XKR4: variants seen among roughly 807,000 people sequenced by gnomAD.
The protein encoded by XKR4 is XK-related protein 4.
Under a neutral mutation model 53.9 loss-of-function variants are expected in XKR4, and 12 were observed. The observed-to-expected ratio is 0.22, with a 90% CI of 0.14 to 0.36. The LOEUF is 0.36. Ranked by LOEUF, XKR4 falls within the 10% of genes least tolerant of loss-of-function variation. The pLI, the probability that XKR4 is intolerant of heterozygous loss-of-function variation, is 1.00. For synonymous variants in XKR4, 354 were observed against 362.4 expected, an observed-to-expected ratio of 0.98 and a Z score of 0.26; for missense variants, 799 against 859.5, an observed-to-expected ratio of 0.93 and a Z score of 0.88.
At chr8:55,155,615 A>T (rs2129356202) in intron 1 of XKR4, among the ~76,000 whole-genome samples, 1 of 145,002 alleles carries the variant, frequency 6.9e-6, no homozygotes, top group Admixed American at 6.8e-5. Flanking sequence ...AAAGTAGAAC[A>T]AAAAGATAAA....
At chr8:55,503,233 A>G (rs1806472323) in intron 2 of XKR4, among the ~76,000 whole-genome samples, 3 of 152,102 alleles carry the variant, frequency 2.0e-5, no homozygotes, top group African/African-American at 4.8e-5. Flanking sequence ...AAAAAATGTC[A>G]TTGTGATAGG....
chr8:55,261,510 T>C (rs911235624), intron 1 of XKR4, among the ~76,000 whole-genome samples: 1 of 152,238 alleles, frequency 6.6e-6, no homozygotes, highest in Non-Finnish European at 1.5e-5. Context: ...TCATTTTGAA[T>C]TCCTTTGCGC....
intron 1 of XKR4, among the ~76,000 whole-genome samples, chr8:55,348,528 G>A (rs1017478514): frequency 3.9e-5 from 6 of 152,172 alleles, no homozygotes; most frequent in African/African-American, 1.2e-4. Flanking sequence ...CATTTTCCAG[G>A]GACTGGCTGT....
intron 2 of XKR4, among the ~76,000 whole-genome samples, chr8:55,375,716 C>CT (rs61454234): frequency 0.73 from 108,917 of 148,628 alleles, 40,814 homozygotes; most frequent in African/African-American, 0.91. Context: ...TCTTCTTTTT[C>CT]TTTTTTTTTT....
chr8:55,421,741 C>T (rs1804935924), intron 2 of XKR4, among the ~76,000 whole-genome samples: 1 of 152,162 alleles, frequency 6.6e-6, no homozygotes, highest in Non-Finnish European at 1.5e-5. Flanking sequence ...GTTACAATAA[C>T]CAAGTTCAGT....
intron 2 of XKR4, among the ~76,000 whole-genome samples, chr8:55,460,390 A>C (rs1012330762): frequency 6.6e-6 from 1 of 152,234 alleles, no homozygotes; most frequent in Non-Finnish European, 1.5e-5. Context: ...TCATTGAACC[A>C]TATGCTTAAA....
Position 55,102,706 on chromosome 8 carries a change from G to A in XKR4, c.218G>A (p.Gly73Asp). The change falls in exon 1 of 3, where the codon GGC becomes GAC. Residue 73 changes from glycine (G) to aspartate (D), a missense_variant. Coordinates refer to ENST00000327381, the MANE Select transcript of XKR4 (RefSeq NM_052898.2). The surrounding 1 kb of genome is among the most constrained non-coding windows in gnomAD (Gnocchi z 5.1). ...TGCTGCTGCTGCGCCGGGAGTGGCG[G>A]CTCCGCGGGCTCGGGCGGCTCCGGC... is the stretch of plus-strand genomic sequence containing the variant. ...RCCCCCAGSGGSAGSGGSGGV... is the reference protein window; with the variant it reads ...RCCCCCAGSGDSAGSGGSGGV... 1.7e-6 allele frequency: 2 copies of A among 1,146,664 alleles called. No homozygotes were observed. Among genetic ancestry groups the A allele is most frequent in the South Asian group, 8.4e-5 (2 of 23,758 alleles). The allele number at this position is 1,146,664 out of a possible 1,614,324, so 71.0% of individuals were successfully genotyped here.
intron 1 of XKR4, among the ~76,000 whole-genome samples, chr8:55,193,391 T>G (rs1182455989): frequency 6.6e-6 from 1 of 152,098 alleles, no homozygotes; most frequent in Non-Finnish European, 1.5e-5. Flanking sequence ...TTTCCTTCAC[T>G]GCTCACTTAC....
intron 2 of XKR4, among the ~76,000 whole-genome samples, chr8:55,447,991 C>T (rs1180484782): frequency 6.6e-6 from 1 of 152,310 alleles, no homozygotes; most frequent in East Asian, 1.9e-4. Context: ...ACTGAGCCCC[C>T]ACCCTCACTC....
rs1392353698 is a variant in XKR4, at chr8:55,524,262, TGAA to T, written c.*37_*39del. ...AGTTGCAGGACCCACAACATCCAGA[TGAA>T]GGGGTGACAGCAGGGCTGTGGCCAT... is the stretch of plus-strand genomic sequence containing the variant. On this transcript the variant is annotated 3_prime_UTR_variant, in exon 3 of 3. Coordinates refer to ENST00000327381, the MANE Select transcript of XKR4 (RefSeq NM_052898.2). 1.3e-6 allele frequency: 2 copies of T among 1,579,474 alleles called. No homozygotes were observed.
chr8:55,189,599 T>C (rs1817418466), intron 1 of XKR4, among the ~76,000 whole-genome samples: 1 of 152,224 alleles, frequency 6.6e-6, no homozygotes, highest in Non-Finnish European at 1.5e-5. Flanking sequence ...GAAAAGGTAA[T>C]ATGTTGTGCT....
intron 1 of XKR4, among the ~76,000 whole-genome samples, chr8:55,165,879 G>A (rs529424635): frequency 6.6e-6 from 1 of 152,118 alleles, no homozygotes; most frequent in South Asian, 2.1e-4. Flanking sequence ...GAGGTTTATG[G>A]GAAAATAGGA....
At chr8:55,469,323 A>G (rs1242755073) in intron 2 of XKR4, among the ~76,000 whole-genome samples, 16 of 152,082 alleles carry the variant, frequency 1.1e-4, no homozygotes, top group African/African-American at 3.9e-4. Flanking sequence ...CCTCTACAAT[A>G]TGTCTCAGTC....
At chr8:55,294,344 G>C (rs1349613486) in intron 1 of XKR4, among the ~76,000 whole-genome samples, 5 of 152,144 alleles carry the variant, frequency 3.3e-5, no homozygotes, top group African/African-American at 1.2e-4. Flanking sequence ...CTCCCATCTT[G>C]ATCAAGTGTG....
At chr8:55,268,344 A>G (rs375378421) in intron 1 of XKR4, among the ~76,000 whole-genome samples, 3 of 152,186 alleles carry the variant, frequency 2.0e-5, no homozygotes, top group South Asian at 2.1e-4. Flanking sequence ...ATTTATTTCT[A>G]TCTTAACAGT....
intron 1 of XKR4, among the ~76,000 whole-genome samples, chr8:55,324,738 G>A (rs537011715): frequency 4.2e-4 from 64 of 152,154 alleles, no homozygotes; most frequent in Admixed American, 7.2e-4. Flanking sequence ...GTAGGAAGAG[G>A]CTGAGACTAG....
intron 1 of XKR4, among the ~76,000 whole-genome samples, chr8:55,239,917 A>C (rs1238773887): frequency 6.6e-5 from 10 of 152,162 alleles, no homozygotes; most frequent in African/African-American, 2.4e-4. Flanking sequence ...TTCACACTTG[A>C]CCTAATGGTC....
At chr8:55,261,894 AAG>A (rs1440959628) in intron 1 of XKR4, among the ~76,000 whole-genome samples, 1 of 152,028 alleles carries the variant, frequency 6.6e-6, no homozygotes, top group African/African-American at 2.4e-5. Context: ...TTTTAAAAAA[AAG>A]TATATTCATA....
At chr8:55,241,357 C>T (rs887162551) in intron 1 of XKR4, among the ~76,000 whole-genome samples, 4 of 152,174 alleles carry the variant, frequency 2.6e-5, no homozygotes, top group African/African-American at 7.2e-5. Context: ...GCTGTTCTCA[C>T]TTTTCTTTAA....
Sources: gnomAD v4.1 joint callset for allele counts (sites outside exome capture counted in the v4.1 genomes callset) on GRCh38, gnomAD v4.1.1 for gene constraint, Gnocchi (gnomAD v3.1) non-coding constraint, MANE v1.5 for transcripts, NCBI Gene and HGNC (gene_info 2026-07-23, HGNC 2026-07-21) for gene names.